The following POGLUT3 variants were observed in gnomAD, a reference collection of about 807,000 sequenced individuals.
The protein encoded by POGLUT3 is protein O-glucosyltransferase 3, also known as KDEL (Lys-Asp-Glu-Leu) containing 2.
Under a neutral mutation model 54.3 loss-of-function variants are expected in POGLUT3, and 48 were observed. That is an observed-to-expected ratio of 0.88 (90% CI 0.70 to 1.12). The LOEUF is 1.12. Ranked by LOEUF, POGLUT3 falls within the 50% of genes most tolerant of loss-of-function variation. The probability of loss-of-function intolerance (pLI) is 0.00; values close to 1 mark genes in which losing one functional copy is unlikely to be tolerated. For missense variants in POGLUT3, 629 were observed against 618.7 expected (o/e 1.02, Z -0.18); for synonymous variants, 218 against 237.4 (o/e 0.92, Z 0.75).
In POGLUT3 at chr11:108,474,654, A is replaced by C. The variant is rs2093576776; in HGVS notation, c.*173T>G. 1 of 556,994 alleles carries C rather than the reference A, an allele frequency of 1.8e-6. No homozygotes were observed. Among genetic ancestry groups the C allele is most frequent in the Non-Finnish European group, 3.0e-6 (1 of 333,272 alleles). The allele number at this position is 556,994 out of a possible 1,614,324, so 34.5% of individuals were successfully genotyped here. A position where few individuals can be genotyped will look rare whatever the true frequency, so the allele number is the denominator to read the frequency against. ...TGAAGCCTGAAACACTCCTGGTCCT[A>C]AGCATTTCAGATGAGGGATACTCAA... On this transcript the variant is annotated 3_prime_UTR_variant, in exon 8 of 8. Coordinates refer to ENST00000323468, the MANE Select transcript of POGLUT3 (RefSeq NM_153705.5).
Position 108,479,517 on chromosome 11 carries a change from TAAAC to T in POGLUT3, c.1099-26_1099-23del, listed in dbSNP as rs745428183. ...TGTACTGGAAGATGAAAAACAAACA[TAAAC>T]AAACTTTCAGTAGTCATTTGCTTCA... On this transcript the variant is annotated intron_variant, in intron 5 of 7. Transcript: ENST00000323468. 172 of 1,557,526 alleles carry T rather than the reference TAAAC, an allele frequency of 1.1e-4. No homozygotes were observed. In the African/African-American group the frequency reaches 2.2e-3, roughly 20 times the overall value.
At chr11:108,476,210 T>C (rs1158217013) in intron 7 of POGLUT3, among the ~76,000 whole-genome samples, 1 of 152,218 alleles carries the variant, frequency 6.6e-6, no homozygotes, top group Non-Finnish European at 1.5e-5. Flanking sequence ...CTAGGCTCAC[T>C]GCAACCTCTG....
At chr11:108,488,020 T>C (rs1234605193) in intron 2 of POGLUT3, among the ~76,000 whole-genome samples, 2 of 151,962 alleles carry the variant, frequency 1.3e-5, no homozygotes, top group Non-Finnish European at 2.9e-5. Context: ...TAGTTTTTTG[T>C]TGTTTTTGTT....
At chr11:108,488,468 T>G (rs1165409731) in intron 2 of POGLUT3, among the ~76,000 whole-genome samples, 1 of 152,144 alleles carries the variant, frequency 6.6e-6, no homozygotes, top group South Asian at 2.1e-4. Flanking sequence ...GGAGGGGGAC[T>G]GTAGGCAAAG....
Position 108,484,705 on chromosome 11 carries a change from G to A in POGLUT3, c.684+1452C>T, listed in dbSNP as rs566171413. Among the ~76,000 whole-genome samples, 32 of 152,236 alleles carry A rather than the reference G, an allele frequency of 2.1e-4. 1 individual carries two copies. Among genetic ancestry groups the A allele is most frequent in the Non-Finnish European group, 4.1e-4 (28 of 67,996 alleles). On this transcript the variant is annotated intron_variant, in intron 3 of 7. Coordinates refer to ENST00000323468, the MANE Select transcript of POGLUT3 (RefSeq NM_153705.5). ...CAGGAGACAGAGGTTGCAGTGAGCC[G>A]AGATCGTGCCACTGCACTCCAGCCA...
In POGLUT3 at chr11:108,488,471, A is replaced by G. The variant is rs1425149207; in HGVS notation, c.401-2031T>C. 1.3e-4 allele frequency among the ~76,000 whole-genome samples: 20 copies of G among 152,200 alleles called. 1 individual carries two copies. The highest frequency in any genetic ancestry group is 1.2e-3 in the Admixed American group (19 of 15,280). On this transcript the variant is annotated intron_variant, in intron 2 of 7. Transcript: ENST00000323468. Reference sequence around the variant, plus strand: ...GTTGTAGTACAGGGAGGGGGACTGTAGGCAAAGCCAGGCAGCCTCACTGAG... The same window carrying G: ...GTTGTAGTACAGGGAGGGGGACTGTGGGCAAAGCCAGGCAGCCTCACTGAG...
intron 5 of POGLUT3, among the ~76,000 whole-genome samples, chr11:108,479,928 G>T (rs1012177082): frequency 1.3e-5 from 2 of 152,054 alleles, no homozygotes; most frequent in Non-Finnish European, 2.9e-5. Flanking sequence ...CCACCTCCTG[G>T]GTTCATACAA....
Position 108,477,695 on chromosome 11 carries a change from GCTT to G in POGLUT3, c.1307_1309del (p.Glu436del). 1 of 1,610,358 alleles carries G rather than the reference GCTT, an allele frequency of 6.2e-7. No homozygotes were observed. The highest frequency in any genetic ancestry group is 8.5e-7 in the Non-Finnish European group (1 of 1,176,966). ...CTGTCCTTCTTTTGCAATCTTCTTG[GCTT>G]CTTCATCATTTTCCTGAAAGGTTAA... On this transcript the variant is annotated inframe_deletion, in exon 7 of 8. Transcript: ENST00000323468.
At chr11:108,484,925 AAG>A (rs2093600011) in intron 3 of POGLUT3, among the ~76,000 whole-genome samples, 1 of 152,016 alleles carries the variant, frequency 6.6e-6, no homozygotes, top group Non-Finnish European at 1.5e-5. Context: ...CAAATGTGGA[AAG>A]AGAGGCTGAA....
Position 108,497,854 on chromosome 11 carries a change from T to G in POGLUT3, c.202+311A>C, listed in dbSNP as rs79046584. 5.1e-3 allele frequency among the ~76,000 whole-genome samples: 776 copies of G among 152,270 alleles called. 6 individuals carry two copies. Among genetic ancestry groups the G allele is most frequent in the African/African-American group, 0.018 (752 of 41,556 alleles). ...ACAGTTCAGACAACTAAGTCCGAGA[T>G]GGAAGGCAACGTGTGACTCACGGCA... On this transcript the variant is annotated intron_variant, in intron 1 of 7. Transcript: ENST00000323468.
rs561706814 is a variant in POGLUT3, at chr11:108,491,035, T to G, written c.335A>C (p.Glu112Ala). 5.6e-6 allele frequency: 9 copies of G among 1,614,084 alleles called. No homozygotes were observed. In the South Asian group the frequency reaches 9.9e-5, roughly 18 times the overall value. The change falls in exon 2 of 8, where the codon GAA (glutamate) becomes GCA (alanine). Residue 112 changes from glutamate to alanine, a missense_variant. Glu to Ala is a moderately radical substitution (Grantham distance 107). Transcript: ENST00000323468. ...MRYRMYETVD[E>A]GLKIEVLYGD... Reference sequence around the variant, plus strand: ...ATAAAGGACCTCTATCTTCAGGCCTTCATCGACAGTTTCATACATCCTATA... The same window carrying G: ...ATAAAGGACCTCTATCTTCAGGCCTGCATCGACAGTTTCATACATCCTATA...
chr11:108,479,545 C>T (rs1229230014), intron 5 of POGLUT3, 50 bp from the exon 6 acceptor site: 3 of 1,385,714 alleles, frequency 2.2e-6, no homozygotes, highest in Non-Finnish European at 3.0e-6. Context: ...TCATTTGCTT[C>T]ACTTCTGCTC....
intron 3 of POGLUT3, among the ~76,000 whole-genome samples, chr11:108,484,216 G>T (rs1157425456): frequency 6.6e-6 from 1 of 152,128 alleles, no homozygotes; most frequent in Non-Finnish European, 1.5e-5. Flanking sequence ...AATCATCCCT[G>T]GTTGAAATCT....
At chr11:108,488,984 C>A (rs568087960) in intron 2 of POGLUT3, among the ~76,000 whole-genome samples, 187 of 152,202 alleles carry the variant, frequency 1.2e-3, no homozygotes, top group Non-Finnish European at 2.4e-3. Context: ...TGGCTCTAGT[C>A]CCACCTAACA....
In POGLUT3 at chr11:108,482,205, T is replaced by G; in HGVS notation, c.702A>C (p.Leu234Phe). The G allele has an allele frequency of 6.2e-7, 1 of 1,613,536 alleles. No individual in the cohort carries two copies. The highest frequency in any genetic ancestry group is 8.5e-7 in the Non-Finnish European group (1 of 1,179,536). ...SLTRKVLLPD[L>F]EFYVNLGDWP... ...AATCTCCAAGATTAACATAAAATTC[T>G]AAATCTGGGAGAAGGACCTAAATAA... The change falls in exon 4 of 8, where the codon TTA (leucine) becomes TTC (phenylalanine). Residue 234 changes from leucine to phenylalanine, a missense_variant. By Grantham distance (22) the Leu-to-Phe change is conservative. Transcript: ENST00000323468.
intron 3 of POGLUT3, among the ~76,000 whole-genome samples, chr11:108,482,564 T>G (rs1056485502): frequency 1.3e-5 from 2 of 152,118 alleles, no homozygotes; most frequent in East Asian, 3.9e-4. Flanking sequence ...CTGGCCAACA[T>G]GGTGAAACCC....
rs146603991 is a variant in POGLUT3 at position 108,497,931 on chromosome 11, A to G, written c.202+234T>C. On this transcript the variant is annotated intron_variant, in intron 1 of 7. Transcript: ENST00000323468. The stretch of plus-strand genomic sequence containing the variant: ...CCATTCGCAACATCAGTCCCTGCAC[A>G]TTAAATGCGGAAGGGCCCTTCAAGT... 7.0e-3 allele frequency among the ~76,000 whole-genome samples: 1,065 copies of G among 152,324 alleles called. 5 individuals carry two copies. The highest frequency in any genetic ancestry group is 0.012 in the Non-Finnish European group (819 of 68,022).
At chr11:108,484,836 C>T (rs894943009) in intron 3 of POGLUT3, among the ~76,000 whole-genome samples, 3 of 152,130 alleles carry the variant, frequency 2.0e-5, no homozygotes, top group East Asian at 3.9e-4. Context: ...TGCCCACCTC[C>T]ATCCTTCACC....
intron 1 of POGLUT3, among the ~76,000 whole-genome samples, chr11:108,496,573 G>A (rs768517854): frequency 1.9e-4 from 28 of 150,948 alleles, no homozygotes; most frequent in Non-Finnish European, 3.0e-4. Context: ...ACACACATGC[G>A]TTTCTGTCAA....
Sources: gnomAD v4.1 joint callset for allele counts (sites outside exome capture counted in the v4.1 genomes callset) on GRCh38, gnomAD v4.1.1 for gene constraint, MANE v1.5 for transcripts, NCBI Gene and HGNC (gene_info 2026-07-23, HGNC 2026-07-21) for gene names.